Variants in ACADM observed in about 807,000 individuals in gnomAD.
ACADM encodes the protein acyl-CoA dehydrogenase medium chain.
In ACADM, 49 loss-of-function variants were observed where a neutral mutation model predicts 58.9. The ratio of observed to expected loss-of-function variants is 0.83; its 90% CI spans 0.66 to 1.06. The LOEUF (loss-of-function observed/expected upper bound fraction) is 1.06, where lower values mean the gene tolerates loss of function less well. ACADM is among the 50% of genes least tolerant of loss of function. The pLI, the probability that ACADM is intolerant of heterozygous loss-of-function variation, is 0.00. For synonymous variants in ACADM, 160 were observed against 157.7 expected (o/e 1.01, Z -0.11); for missense variants, 496 against 507.0 (o/e 0.98, Z 0.21).
chr1:75,750,751 A>ATT (rs745487585), intron 10 of ACADM: 423 of 503,648 alleles, frequency 8.4e-4, no homozygotes, highest in African/African-American at 2.8e-3. Flanking sequence ...TGTGCTATGC[A>ATT]TTTTTTTTTT....
chr1:75,761,437 T>G, intron 11 of ACADM, 67 bp downstream of exon 11: 1 of 1,565,246 alleles, frequency 6.4e-7, no homozygotes, highest in South Asian at 1.1e-5. Flanking sequence ...AACGTGGATT[T>G]CTGATTATTT....
At chr1:75,759,019 G>C (rs985426891) in intron 10 of ACADM, among the ~76,000 whole-genome samples, 2 of 152,176 alleles carry the variant, frequency 1.3e-5, no homozygotes, top group African/African-American at 4.8e-5. Flanking sequence ...CACTTGCCAC[G>C]GAGGTCCGCG....
intron 7 of ACADM, chr1:75,745,463 G>T (rs549639246): frequency 3.0e-4 from 76 of 254,660 alleles, no homozygotes; most frequent in Non-Finnish European, 4.9e-4. Flanking sequence ...TCCAGCCTGC[G>T]CAACAGAGTG....
At chr1:75,731,087 TC>T (rs1647140641) in intron 2 of ACADM, among the ~76,000 whole-genome samples, 2 of 150,862 alleles carry the variant, frequency 1.3e-5, no homozygotes, top group Admixed American at 6.6e-5. Flanking sequence ...AAGATCGAGA[TC>T]CTGGTGAAAC....
intron 1 of ACADM, among the ~76,000 whole-genome samples, chr1:75,725,401 TTAAAA>T (rs1291807180): frequency 6.6e-6 from 1 of 152,108 alleles, no homozygotes; most frequent in African/African-American, 2.4e-5. Context: ...TAGATGTCAC[TTAAAA>T]TTAAGTTAAA....
chr1:75,745,939 G>C, intron 8 of ACADM, 25 bp downstream of exon 8: 1 of 1,483,964 alleles, frequency 6.7e-7, no homozygotes, highest in Non-Finnish European at 9.4e-7. Flanking sequence ...AATGATTAGG[G>C]CCCCAAATAT....
intron 10 of ACADM, among the ~76,000 whole-genome samples, chr1:75,758,795 C>T (rs1648657127): frequency 6.8e-6 from 1 of 146,340 alleles, no homozygotes; most frequent in Non-Finnish European, 1.5e-5. Flanking sequence ...CCAGTCAGCA[C>T]TCTGTAAAAT....
intron 11 of ACADM, among the ~76,000 whole-genome samples, chr1:75,762,468 T>C (rs986843256): frequency 7.9e-5 from 12 of 152,148 alleles, no homozygotes; most frequent in Admixed American, 2.0e-4. Context: ...CTCCAAAATT[T>C]TGATAAATGG....
chr1:75,760,680 T>C (rs1329401211), intron 10 of ACADM, among the ~76,000 whole-genome samples: 1 of 150,114 alleles, frequency 6.7e-6, no homozygotes, highest in Non-Finnish European at 1.5e-5. Flanking sequence ...TGAGGAATTA[T>C]AATAGCCTGG....
At chr1:75,757,445 A>G (rs774203391) in intron 10 of ACADM, among the ~76,000 whole-genome samples, 11 of 152,252 alleles carry the variant, frequency 7.2e-5, no homozygotes, top group African/African-American at 2.7e-4. Flanking sequence ...TCCAACAGAC[A>G]CATGAAAAAA....
At chr1:75,758,340 G>A in intron 10 of ACADM, among the ~76,000 whole-genome samples, 1 of 152,124 alleles carries the variant, frequency 6.6e-6, no homozygotes, top group East Asian at 1.9e-4. Flanking sequence ...CAAAGTGCTG[G>A]GATTACAGGT....
chr1:75,731,507 A>G (rs74090720), intron 2 of ACADM, among the ~76,000 whole-genome samples: 7,455 of 152,220 alleles, frequency 0.049, 277 homozygotes, highest in African/African-American at 0.11. Flanking sequence ...AAACACAAGG[A>G]TACCATGGAT....
intron 5 of ACADM, among the ~76,000 whole-genome samples, chr1:75,734,160 ATTTTTTT>A (rs1160368175): frequency 1.2e-5 from 1 of 84,236 alleles, no homozygotes; most frequent in Non-Finnish European, 2.3e-5. Context: ...TAATTTTTGT[ATTTTTTT>A]TTTTTTTTTT....
chr1:75,749,017 A>G (rs888776686), intron 8 of ACADM, among the ~76,000 whole-genome samples: 1 of 151,944 alleles, frequency 6.6e-6, no homozygotes, highest in Non-Finnish European at 1.5e-5. Flanking sequence ...GGTAAAATAG[A>G]TAGCTTTCAA....
chr1:75,758,610 T>C (rs57798497), intron 10 of ACADM, among the ~76,000 whole-genome samples: 7,442 of 146,252 alleles, frequency 0.051, 273 homozygotes, highest in African/African-American at 0.11. Context: ...TCTGTAAAAA[T>C]GCACTAATCA....
intron 6 of ACADM, among the ~76,000 whole-genome samples, chr1:75,737,294 A>ATATATGTATG (rs1647315306): frequency 1.1e-5 from 1 of 90,008 alleles, no homozygotes; most frequent in African/African-American, 4.1e-5. Context: ...ATATATATAT[A>ATATATGTATG]TATATATATA....
rs1468901075 is a variant in ACADM at position 75,740,106 on chromosome 1, A to G, written c.595A>G (p.Asn199Asp). The G allele has an allele frequency of 1.2e-6, 2 of 1,610,260 alleles. No homozygotes were observed. The highest frequency in any genetic ancestry group is 1.7e-6 in the Non-Finnish European group (2 of 1,177,294). ...KMWITNGGKA[N>D]WYFLLARSDP... is the part of the protein sequence containing the mutation. ...GTGGATAACCAACGGAGGAAAAGCT[A>G]ATTGGTATGTTGTTCAAAACATCTT... Residue 199 changes from asparagine to aspartate, a missense_variant, in exon 7 of 12, where the codon AAT becomes GAT. Coordinates refer to ENST00000370841, the MANE Select transcript of ACADM (RefSeq NM_000016.6).
chr1:75,740,004 G>A lies in ACADM; in HGVS notation c.493G>A (p.Ala165Thr), dbSNP rs1213827359. ...GGCTTATTGTGTAACAGAACCTGGAGCAGGCTCTGATGTAGCTGGTATAAA... is the reference window on the plus strand; with the variant it reads ...GGCTTATTGTGTAACAGAACCTGGAACAGGCTCTGATGTAGCTGGTATAAA... ...MCAYCVTEPG[A>T]GSDVAGIKTK... The change falls in exon 7 of 12, where the codon GCA becomes ACA. Residue 165 changes from alanine (A) to threonine (T), a missense_variant. Transcript: ENST00000370841. 2 of 1,611,692 alleles carry A rather than the reference G, an allele frequency of 1.2e-6. No homozygotes were observed. Among genetic ancestry groups the A allele is most frequent in the Admixed American group, 1.7e-5 (1 of 59,982 alleles).
intron 11 of ACADM, among the ~76,000 whole-genome samples, chr1:75,762,079 C>T (rs929990245): frequency 1.5e-4 from 23 of 152,300 alleles, no homozygotes; most frequent in African/African-American, 5.5e-4. Flanking sequence ...GTGCCTTATC[C>T]AAAGTCACAG....
Sources: allele counts gnomAD v4.1 joint callset (sites outside exome capture counted in the v4.1 genomes callset), GRCh38; gene constraint gnomAD v4.1.1; transcripts MANE v1.5; gene names NCBI Gene and HGNC (gene_info 2026-07-23, HGNC 2026-07-21).